BMAL1: variants seen among roughly 807,000 people sequenced by gnomAD.
BMAL1 encodes the protein basic helix-loop-helix ARNT-like protein 1.
At chr11:13,371,145 T>C in the BMAL1 span, among the ~76,000 whole-genome samples, 2 of 152,364 alleles carry the variant, frequency 1.3e-5, no homozygotes, top group South Asian at 2.1e-4. Flanking sequence ...TTTCACTCTA[T>C]TCCAGTAACC....
chr11:13,329,556 A>G, the BMAL1 span, among the ~76,000 whole-genome samples: 1 of 152,150 alleles, frequency 6.6e-6, no homozygotes, highest in African/African-American at 2.4e-5. Flanking sequence ...ATTTTGCTCC[A>G]TTGCTGCTTT....
At chr11:13,370,688 G>T in the BMAL1 span, among the ~76,000 whole-genome samples, 1 of 152,072 alleles carries the variant, frequency 6.6e-6, no homozygotes, top group South Asian at 2.1e-4. Flanking sequence ...ACTCTCACCA[G>T]GTCTCATAAA....
At chr11:13,372,104 G>T in the BMAL1 span, 2 of 1,601,604 alleles carry the variant, frequency 1.2e-6, no homozygotes, top group Non-Finnish European at 1.7e-6. Context: ...ACCATCGGCC[G>T]TGTACACCTC....
the BMAL1 span, chr11:13,365,319 A>ACACG: frequency 2.1e-6 from 1 of 486,114 alleles, no homozygotes; most frequent in African/African-American, 2.0e-5. Flanking sequence ...ACACACACAC[A>ACACG]CAATCTTACA....
At chr11:13,318,838 A>G in the BMAL1 span, among the ~76,000 whole-genome samples, 2 of 152,132 alleles carry the variant, frequency 1.3e-5, no homozygotes, top group Admixed American at 1.3e-4. Flanking sequence ...GAGCTTTTAA[A>G]AACTTTTTTG....
the BMAL1 span, among the ~76,000 whole-genome samples, chr11:13,340,985 A>C: frequency 6.6e-6 from 1 of 152,212 alleles, no homozygotes; most frequent in African/African-American, 2.4e-5. Context: ...TAGGACATGC[A>C]GCTAGTAAGT....
chr11:13,298,416 G>C, the BMAL1 span, among the ~76,000 whole-genome samples: 1 of 152,240 alleles, frequency 6.6e-6, no homozygotes, highest in South Asian at 2.1e-4. Context: ...TTCCATCTGG[G>C]TCACTGCCCC....
At chr11:13,325,980 G>A in the BMAL1 span, among the ~76,000 whole-genome samples, 14 of 152,124 alleles carry the variant, frequency 9.2e-5, no homozygotes, top group East Asian at 2.1e-3. Flanking sequence ...TGAGGTGGGT[G>A]GATCATGAGG....
the BMAL1 span, among the ~76,000 whole-genome samples, chr11:13,321,483 C>T: frequency 6.6e-6 from 1 of 152,164 alleles, no homozygotes. Context: ...GGGAAAGCCA[C>T]AGTTCACCTC....
the BMAL1 span, among the ~76,000 whole-genome samples, chr11:13,342,653 C>T: frequency 0.26 from 39,671 of 152,008 alleles, 6,291 homozygotes; most frequent in East Asian, 0.46. Context: ...TTTTTTCCCC[C>T]GAATAACATC....
At chr11:13,354,552 G>A in the BMAL1 span, 2 of 1,460,902 alleles carry the variant, frequency 1.4e-6, no homozygotes, top group South Asian at 1.4e-5. Context: ...AAAGGGGATG[G>A]GAATAAAAAA....
At chr11:13,311,252 A>G in the BMAL1 span, among the ~76,000 whole-genome samples, 7 of 152,220 alleles carry the variant, frequency 4.6e-5, no homozygotes, top group African/African-American at 1.4e-4. Flanking sequence ...GAGATGTGGA[A>G]TGGAAGCCAT....
the BMAL1 span, among the ~76,000 whole-genome samples, chr11:13,299,195 C>G: frequency 7.2e-5 from 11 of 152,166 alleles, no homozygotes; most frequent in African/African-American, 2.7e-4. Context: ...ATATTTAGAG[C>G]AAATTTTGGA....
the BMAL1 span, among the ~76,000 whole-genome samples, chr11:13,278,150 GC>G: frequency 6.6e-6 from 1 of 152,184 alleles, no homozygotes; most frequent in Non-Finnish European, 1.5e-5. Context: ...GCGCCCGTCC[GC>G]CCCCATCCTC....
At chr11:13,332,885 C>T in the BMAL1 span, among the ~76,000 whole-genome samples, 4 of 151,960 alleles carry the variant, frequency 2.6e-5, no homozygotes, top group Non-Finnish European at 4.4e-5. Context: ...CTGTCACGGT[C>T]ATAGCCCATG....
the BMAL1 span, among the ~76,000 whole-genome samples, chr11:13,368,149 C>A: frequency 6.6e-6 from 1 of 152,150 alleles, no homozygotes; most frequent in Non-Finnish European, 1.5e-5. Context: ...TTGGGCCTTG[C>A]CTTTGAGGCT....
chr11:13,306,475 G>T, the BMAL1 span, among the ~76,000 whole-genome samples: 74 of 152,326 alleles, frequency 4.9e-4, no homozygotes, highest in African/African-American at 1.6e-3. Flanking sequence ...AGAGGGAGGG[G>T]TCTAAGCGTG....
At chr11:13,365,466 T>C in the BMAL1 span, 1 of 1,570,978 alleles carries the variant, frequency 6.4e-7, no homozygotes, top group South Asian at 1.1e-5. Flanking sequence ...TTTCCTACAG[T>C]ATGAGAAATT....
At chr11:13,295,723 A>G in the BMAL1 span, among the ~76,000 whole-genome samples, 1 of 152,228 alleles carries the variant, frequency 6.6e-6, no homozygotes, top group Non-Finnish European at 1.5e-5. Context: ...GCAAATTTGC[A>G]TACAAGAGTC....
Sources: allele counts gnomAD v4.1 joint callset (sites outside exome capture counted in the v4.1 genomes callset), GRCh38; gene constraint gnomAD v4.1.1; transcripts MANE v1.5; gene names NCBI Gene and HGNC (gene_info 2026-07-23, HGNC 2026-07-21).